PTPRD: variants seen among roughly 807,000 people sequenced by gnomAD.
PTPRD encodes the protein receptor-type tyrosine-protein phosphatase delta.
Under a neutral mutation model 214.5 loss-of-function variants are expected in PTPRD, and 34 were observed. The observed-to-expected ratio is 0.16, with a 90% CI of 0.12 to 0.21. The LOEUF (loss-of-function observed/expected upper bound fraction) is 0.21, where lower values mean the gene tolerates loss of function less well. PTPRD is among the 10% of genes least tolerant of loss of function. The pLI is 1.00. For missense variants in PTPRD, 2,545 were observed against 2,398.7 expected, an observed-to-expected ratio of 1.06 and a Z score of -1.27; for synonymous variants, 1,128 against 845.7, an observed-to-expected ratio of 1.33 and a Z score of -5.79.
chr9:9,067,128 G>T (rs1431138660), intron 10 of PTPRD, among the ~76,000 whole-genome samples: 1 of 152,046 alleles, frequency 6.6e-6, no homozygotes, highest in Non-Finnish European at 1.5e-5. Context: ...CTGTAATTCT[G>T]GTTACTCAGG....
At chr9:9,529,186 C>T (rs2074906925) in intron 8 of PTPRD, among the ~76,000 whole-genome samples, 1 of 151,470 alleles carries the variant, frequency 6.6e-6, no homozygotes, top group Non-Finnish European at 1.5e-5. Flanking sequence ...CCCGCCTTGG[C>T]CTCCCAAAGT....
intron 8 of PTPRD, among the ~76,000 whole-genome samples, chr9:9,451,295 C>T (rs902360872): frequency 3.3e-5 from 5 of 151,546 alleles, no homozygotes; most frequent in Non-Finnish European, 7.4e-5. Context: ...AAACACAAGG[C>T]TATAGGAAAA....
chr9:10,573,782 A>G (rs72702835), intron 2 of PTPRD, among the ~76,000 whole-genome samples: 24,428 of 152,086 alleles, frequency 0.16, 2,490 homozygotes, highest in East Asian at 0.5. Flanking sequence ...TTGAAGGAGT[A>G]GGAAAGAGAA....
chr9:9,150,161 A>G (rs2099875412), intron 10 of PTPRD, among the ~76,000 whole-genome samples: 1 of 152,082 alleles, frequency 6.6e-6, no homozygotes. Flanking sequence ...GCCATAAGAA[A>G]TTATTCTAAC....
chr9:8,828,862 A>G (rs1203619511), intron 11 of PTPRD, among the ~76,000 whole-genome samples: 1 of 152,176 alleles, frequency 6.6e-6, no homozygotes, highest in Non-Finnish European at 1.5e-5. Context: ...AATTCAAGCC[A>G]TGGCAGATTT....
intron 8 of PTPRD, among the ~76,000 whole-genome samples, chr9:9,529,148 G>T (rs1050810907): frequency 1.7e-4 from 26 of 151,736 alleles, no homozygotes; most frequent in African/African-American, 6.0e-4. Flanking sequence ...TAGCCAGACT[G>T]GTCTCGAACT....
intron 10 of PTPRD, among the ~76,000 whole-genome samples, chr9:9,106,502 G>A (rs1189555751): frequency 2.0e-5 from 3 of 148,214 alleles, no homozygotes; most frequent in East Asian, 2.0e-4. Context: ...GGAACCAGGC[G>A]ATCCGACTTT....
intron 2 of PTPRD, among the ~76,000 whole-genome samples, chr9:10,445,904 A>C (rs1378481974): frequency 6.6e-6 from 1 of 152,108 alleles, no homozygotes; most frequent in Admixed American, 6.6e-5. Context: ...ATGTTGAATA[A>C]GTGGTAGGAG....
chr9:9,815,423 C>T (rs776462141), intron 5 of PTPRD, among the ~76,000 whole-genome samples: 5 of 151,872 alleles, frequency 3.3e-5, no homozygotes, highest in Non-Finnish European at 7.4e-5. Flanking sequence ...TAAAAGGAAA[C>T]GTAGAGAAAA....
chr9:9,014,178 T>A (rs77037678), intron 11 of PTPRD, among the ~76,000 whole-genome samples: 18 of 112,320 alleles, frequency 1.6e-4, no homozygotes, highest in African/African-American at 6.3e-4. Context: ...TATTACCTCG[T>A]TTTTTTTTGT....
At chr9:9,561,355 C>T (rs1301481599) in intron 8 of PTPRD, among the ~76,000 whole-genome samples, 2 of 152,206 alleles carry the variant, frequency 1.3e-5, no homozygotes, top group Non-Finnish European at 2.9e-5. Context: ...AAAAATCAAG[C>T]TGTAACCTAA....
rs1304948708 is a variant in PTPRD at position 9,741,935 on chromosome 9, T to C, written c.-325-7364A>G. On this transcript the variant is annotated intron_variant, in intron 6 of 45. Transcript: ENST00000381196. ...AAACATACATGAGCATGTGTCTTTATAGTAGAATGATTTATAATCCTTTGG... is the reference window on the plus strand; with the variant it reads ...AAACATACATGAGCATGTGTCTTTACAGTAGAATGATTTATAATCCTTTGG... 3.3e-5 allele frequency among the ~76,000 whole-genome samples: 5 copies of C among 152,178 alleles called. No homozygotes were observed. The South Asian group carries it at 6.2e-4, about 19-fold the overall frequency.
At chr9:9,797,912 G>A (rs1482767888) in intron 5 of PTPRD, among the ~76,000 whole-genome samples, 1 of 152,106 alleles carries the variant, frequency 6.6e-6, no homozygotes, top group African/African-American at 2.4e-5. Flanking sequence ...TAGTAATAAA[G>A]TTAGAAAATG....
At chr9:8,943,095 A>T (rs1319771727) in intron 11 of PTPRD, among the ~76,000 whole-genome samples, 1 of 152,148 alleles carries the variant, frequency 6.6e-6, no homozygotes, top group Non-Finnish European at 1.5e-5. Context: ...AAATCTCTAC[A>T]ATGAAAACTA....
At chr9:8,484,999 A>G (rs535486169) in intron 29 of PTPRD, among the ~76,000 whole-genome samples, 30 of 152,352 alleles carry the variant, frequency 2.0e-4, no homozygotes, top group Admixed American at 1.7e-3. Context: ...AGTAGTAGGT[A>G]ACCTACAAGT....
At chr9:9,486,444 G>C (rs1286762825) in intron 8 of PTPRD, among the ~76,000 whole-genome samples, 1 of 151,960 alleles carries the variant, frequency 6.6e-6, no homozygotes, top group Non-Finnish European at 1.5e-5. Flanking sequence ...AGCATTATTT[G>C]ATGCTATGGA....
intron 11 of PTPRD, among the ~76,000 whole-genome samples, chr9:8,859,337 A>T (rs2098044375): frequency 6.6e-6 from 1 of 152,218 alleles, no homozygotes; most frequent in African/African-American, 2.4e-5. Context: ...ACTAAGGTGC[A>T]CTGTGTGTAT....
rs1435126387 is a variant in PTPRD, at chr9:8,507,428, C to T, written c.1550G>A (p.Gly517Glu). The change falls in exon 22 of 46, where the codon GGG (glycine) becomes GAG (glutamate). Residue 517 changes from glycine to glutamate, a missense_variant. Transcript: ENST00000381196. ...IQVITQTGVPGQPLNFKAEPE... is the reference protein window; with the variant it reads ...IQVITQTGVPEQPLNFKAEPE... ...TTCTGCTTTGAAGTTTAGTGGCTGCCCTGGTACTAAAAACAGGGAGGCAAT... is the reference window on the plus strand; with the variant it reads ...TTCTGCTTTGAAGTTTAGTGGCTGCTCTGGTACTAAAAACAGGGAGGCAAT... 5 of 1,613,824 alleles carry T rather than the reference C, an allele frequency of 3.1e-6. No individual in the cohort carries two copies. The highest frequency in any genetic ancestry group is 3.4e-6 in the Non-Finnish European group (4 of 1,179,792).
At chr9:9,097,637 C>A (rs1459178356) in intron 10 of PTPRD, among the ~76,000 whole-genome samples, 1 of 152,008 alleles carries the variant, frequency 6.6e-6, no homozygotes, top group East Asian at 1.9e-4. Flanking sequence ...GTCTCAATCT[C>A]TTGACCTCGT....
Sources: allele counts gnomAD v4.1 joint callset (sites outside exome capture counted in the v4.1 genomes callset), GRCh38; gene constraint gnomAD v4.1.1; transcripts MANE v1.5; gene names NCBI Gene and HGNC (gene_info 2026-07-23, HGNC 2026-07-21).